The following CRISP2 variants were observed in gnomAD, a reference collection of about 807,000 sequenced individuals.
The protein encoded by CRISP2 is cysteine-rich secretory protein 2.
In CRISP2, 29 loss-of-function variants were observed where a neutral mutation model predicts 31.7. That is an observed-to-expected ratio of 0.92 (90% CI 0.68 to 1.25). CRISP2 has a LOEUF of 1.25. Among genes scored for constraint, CRISP2 ranks in the 50% most tolerant of loss-of-function variants. The pLI, the probability that CRISP2 is intolerant of heterozygous loss-of-function variation, is 0.00. For synonymous variants in CRISP2, 111 were observed against 101.4 expected, an observed-to-expected ratio of 1.09 and a Z score of -0.57; for missense variants, 318 against 286.5, an observed-to-expected ratio of 1.11 and a Z score of -0.79.
intron 8 of CRISP2, among the ~76,000 whole-genome samples, chr6:49,697,170 A>G (rs1235645884): frequency 6.6e-6 from 1 of 152,218 alleles, no homozygotes; most frequent in African/African-American, 2.4e-5. Flanking sequence ...TATTGTGAAT[A>G]TCTTCTTAAA....
chr6:49,702,288 T>A (rs1766220486), intron 4 of CRISP2, among the ~76,000 whole-genome samples: 1 of 149,818 alleles, frequency 6.7e-6, no homozygotes, highest in African/African-American at 2.4e-5. Flanking sequence ...AGTGTCTTTT[T>A]TTCATATAAT....
the CRISP2 span, among the ~76,000 whole-genome samples, chr6:49,683,266 C>T: frequency 6.6e-6 from 1 of 151,980 alleles, no homozygotes; most frequent in South Asian, 2.1e-4. Flanking sequence ...AATTTCTAAA[C>T]ATGTGTATAC....
At chr6:49,697,311 A>C (rs1248374371) in intron 8 of CRISP2, among the ~76,000 whole-genome samples, 1 of 152,164 alleles carries the variant, frequency 6.6e-6, no homozygotes, top group Non-Finnish European at 1.5e-5. Context: ...TCAGAGACTT[A>C]AGATGTTATC....
chr6:49,685,031 G>A, the CRISP2 span, among the ~76,000 whole-genome samples: 1 of 152,180 alleles, frequency 6.6e-6, no homozygotes, highest in Admixed American at 6.5e-5. Flanking sequence ...AACTCTGTGA[G>A]CACACTGCCA....
chr6:49,685,568 A>G, the CRISP2 span, among the ~76,000 whole-genome samples: 1 of 152,200 alleles, frequency 6.6e-6, no homozygotes, highest in Admixed American at 6.5e-5. Context: ...CCTGGTTCTC[A>G]TTATTCATAA....
At chr6:49,679,364 G>C in the CRISP2 span, among the ~76,000 whole-genome samples, 3 of 152,084 alleles carry the variant, frequency 2.0e-5, no homozygotes, top group Non-Finnish European at 4.4e-5. Context: ...TTCAAGATTA[G>C]GATGATTCTG....
chr6:49,689,639 C>T (rs1053139025), downstream of CRISP2, among the ~76,000 whole-genome samples: 1 of 152,076 alleles, frequency 6.6e-6, no homozygotes, highest in South Asian at 2.1e-4. Flanking sequence ...TAAAAATTTA[C>T]TCCATAACTT....
intron 9 of CRISP2, among the ~76,000 whole-genome samples, chr6:49,694,641 G>T (rs1001563411): frequency 1.3e-5 from 2 of 152,084 alleles, no homozygotes; most frequent in African/African-American, 4.8e-5. Flanking sequence ...CAATCCCATG[G>T]ACACAGCAGC....
At chr6:49,700,563 G>T (rs988894896) in intron 5 of CRISP2, 105 bp downstream of exon 5, 1 of 724,244 alleles carries the variant, frequency 1.4e-6, no homozygotes, top group Non-Finnish European at 2.5e-6. Context: ...ACAAAACAGA[G>T]ACACAACTTT....
downstream of CRISP2, among the ~76,000 whole-genome samples, chr6:49,688,580 G>T (rs558092647): frequency 6.6e-6 from 1 of 152,218 alleles, no homozygotes; most frequent in South Asian, 2.1e-4. Flanking sequence ...TCCGAAAACA[G>T]ATCTTACTCT....
intron 4 of CRISP2, among the ~76,000 whole-genome samples, chr6:49,701,724 T>C (rs572596548): frequency 5.1e-4 from 55 of 108,786 alleles, no homozygotes; most frequent in Admixed American, 1.5e-3. Flanking sequence ...ATAATGTATA[T>C]ATAATGTATA....
At chr6:49,702,146 T>TATATATATATGTGTAC (rs1561878979) in intron 4 of CRISP2, among the ~76,000 whole-genome samples, 4 of 23,368 alleles carry the variant, frequency 1.7e-4, no homozygotes, top group African/African-American at 1.2e-3. Context: ...GTACTATATA[T>TATATATATATGTGTAC]ATATATATAT....
Position 49,699,848 on chromosome 6 carries a change from T to C in CRISP2, c.227A>G (p.Asn76Ser), listed in dbSNP as rs757529577. 6.2e-6 allele frequency: 10 copies of C among 1,612,784 alleles called. No homozygotes were observed. The highest frequency in any genetic ancestry group is 8.5e-6 in the Non-Finnish European group (10 of 1,179,204). ...ATCACTATGTTGTAAAGTGCACTTG[T>C]TTGCCCACCTTTGGGCATTCGTTGT... ...EVTTNAQRWA[N>S]KCTLQHSDPE... The change falls in exon 6 of 10, where the codon AAC (asparagine) becomes AGC (serine). Residue 76 changes from asparagine (N) to serine (S), a missense_variant. Asn to Ser is a conservative substitution (Grantham distance 46, BLOSUM62 1). Coordinates refer to ENST00000339139, the MANE Select transcript of CRISP2 (RefSeq NM_003296.4).
downstream of CRISP2, among the ~76,000 whole-genome samples, chr6:49,689,860 C>T (rs958608277): frequency 5.9e-5 from 9 of 152,050 alleles, no homozygotes; most frequent in African/African-American, 2.2e-4. Flanking sequence ...TTCCACATCA[C>T]TCTTTCTTTC....
chr6:49,683,942 T>G, the CRISP2 span, among the ~76,000 whole-genome samples: 2 of 151,790 alleles, frequency 1.3e-5, no homozygotes, highest in African/African-American at 2.4e-5. Context: ...ATGAGCTAAT[T>G]TTAGTTTTCA....
upstream of CRISP2, chr6:49,713,607 C>T (rs1414356652): frequency 6.6e-6 from 1 of 152,200 alleles, no homozygotes; most frequent in Non-Finnish European, 1.5e-5. Flanking sequence ...CGTCACTGGG[C>T]TTTATGCTTT....
At position 49,709,241 on chromosome 6, in the gene CRISP2, T is replaced by A. The variant is rs73439865; in HGVS notation, c.-9-36A>T. ...AAAAACAAAGGTCTGCATTGAAATA[T>A]GTAGTTTAAAAAACTTCTAAGAGGG... On this transcript the variant is annotated intron_variant, in intron 3 of 9. Coordinates refer to ENST00000339139, the MANE Select transcript of CRISP2 (RefSeq NM_003296.4). 6.9e-3 allele frequency: 11,046 copies of A among 1,599,298 alleles called. 663 individuals are homozygous for A. The African/African-American group carries it at 0.13, about 18-fold the overall frequency.
At chr6:49,696,633 T>C (rs1205733909) in intron 8 of CRISP2, among the ~76,000 whole-genome samples, 1 of 151,150 alleles carries the variant, frequency 6.6e-6, no homozygotes, top group Non-Finnish European at 1.5e-5. Context: ...TTTTGATAAA[T>C]ACTGATATCC....
At chr6:49,702,167 A>AACATTT (rs1766169742) in intron 4 of CRISP2, among the ~76,000 whole-genome samples, 1 of 117,084 alleles carries the variant, frequency 8.5e-6, no homozygotes, top group Non-Finnish European at 1.8e-5. Flanking sequence ...ATATATATAT[A>AACATTT]TATATATATA....
Sources: allele counts gnomAD v4.1 joint callset (sites outside exome capture counted in the v4.1 genomes callset), GRCh38; gene constraint gnomAD v4.1.1; transcripts MANE v1.5; gene names NCBI Gene and HGNC (gene_info 2026-07-23, HGNC 2026-07-21).